CNTLN: variants seen among roughly 807,000 people sequenced by gnomAD.
CNTLN encodes the protein centlein, centrosomal protein.
A neutral mutation model predicts 180.0 loss-of-function variants in CNTLN; 212 were observed. The observed-to-expected ratio is 1.18, with a 90% CI of 1.05 to 1.32. The LOEUF (loss-of-function observed/expected upper bound fraction) is 1.32, where lower values mean the gene tolerates loss of function less well. Ranked by LOEUF, CNTLN falls within the 40% of genes most tolerant of loss-of-function variation. The probability of loss-of-function intolerance (pLI) is 0.00; values close to 1 mark genes in which losing one functional copy is unlikely to be tolerated. For synonymous variants in CNTLN, 722 were observed against 563.1 expected (o/e 1.28, Z -3.99); for missense variants, 2,095 against 1,610.9 (o/e 1.30, Z -5.14).
chr9:17,433,917 A>C (rs1047773819), intron 18 of CNTLN, among the ~76,000 whole-genome samples: 2 of 152,140 alleles, frequency 1.3e-5, no homozygotes, highest in African/African-American at 4.8e-5. Context: ...TGTTTAGTTA[A>C]ATAACTTTTT....
intron 22 of CNTLN, 122 bp downstream of exon 22, chr9:17,466,240 CAA>C: frequency 2.7e-6 from 2 of 753,888 alleles, no homozygotes; most frequent in Admixed American, 2.9e-5. Flanking sequence ...CAGATAAGTG[CAA>C]AGAGGATTTG....
chr9:17,407,603 G>A (rs1827494153), intron 15 of CNTLN, among the ~76,000 whole-genome samples: 1 of 152,126 alleles, frequency 6.6e-6, no homozygotes, highest in African/African-American at 2.4e-5. Flanking sequence ...AGAAATATGT[G>A]GCTTTAATAG....
chr9:17,266,068 T>G (rs572105478), intron 5 of CNTLN, among the ~76,000 whole-genome samples: 2 of 152,098 alleles, frequency 1.3e-5, no homozygotes, highest in Non-Finnish European at 2.9e-5. Flanking sequence ...AGTTATTTCT[T>G]GCCTTCTGCT....
intron 12 of CNTLN, among the ~76,000 whole-genome samples, chr9:17,357,472 A>C (rs1822941494): frequency 6.6e-6 from 1 of 151,070 alleles, no homozygotes; most frequent in East Asian, 1.9e-4. Flanking sequence ...GAGTCCATAT[A>C]CATATGATAT....
chr9:17,486,213 C>T (rs1832880928), intron 24 of CNTLN, among the ~76,000 whole-genome samples: 1 of 152,146 alleles, frequency 6.6e-6, no homozygotes. Context: ...GTTCTTTACA[C>T]TATATCGAAC....
At chr9:17,317,513 C>T (rs970320891) in intron 8 of CNTLN, among the ~76,000 whole-genome samples, 3 of 151,970 alleles carry the variant, frequency 2.0e-5, no homozygotes, top group African/African-American at 7.3e-5. Context: ...CAAAACAAGG[C>T]CTTTGTGCTC....
chr9:17,263,118 T>G (rs950632347), intron 5 of CNTLN, among the ~76,000 whole-genome samples: 1 of 150,882 alleles, frequency 6.6e-6, no homozygotes, highest in South Asian at 2.1e-4. Flanking sequence ...TGTATACATG[T>G]GCCATGTTGG....
At chr9:17,338,125 T>TTTCCTTCCTTCCTTCC (rs71331485) in intron 10 of CNTLN, among the ~76,000 whole-genome samples, 50 of 148,258 alleles carry the variant, frequency 3.4e-4, no homozygotes, top group Admixed American at 8.8e-4. Context: ...TCCCTCCTTC[T>TTTCCTTCCTTCCTTCC]TTCCTTCCTT....
intron 6 of CNTLN, among the ~76,000 whole-genome samples, chr9:17,293,420 A>G (rs1433782299): frequency 1.3e-5 from 2 of 152,190 alleles, no homozygotes; most frequent in Non-Finnish European, 2.9e-5. Flanking sequence ...CTCTCCCACT[A>G]GAGGCTCAGT....
At chr9:17,458,759 A>G (rs530830632) in intron 19 of CNTLN, among the ~76,000 whole-genome samples, 2 of 152,032 alleles carry the variant, frequency 1.3e-5, no homozygotes, top group African/African-American at 4.8e-5. Flanking sequence ...ATTCTTCTTG[A>G]ATACCATCTT....
chr9:17,284,719 T>C (rs542160100), intron 6 of CNTLN, among the ~76,000 whole-genome samples: 2 of 152,124 alleles, frequency 1.3e-5, no homozygotes, highest in Non-Finnish European at 2.9e-5. Context: ...CTGGATTCAT[T>C]GATTTTTTTG....
chr9:17,282,025 C>T (rs1289091055), intron 6 of CNTLN, among the ~76,000 whole-genome samples: 3 of 152,094 alleles, frequency 2.0e-5, no homozygotes, highest in African/African-American at 7.2e-5. Context: ...TGCAGTGGAG[C>T]GATCTCGGCT....
At chr9:17,318,394 G>C (rs1819679234) in intron 8 of CNTLN, among the ~76,000 whole-genome samples, 1 of 152,138 alleles carries the variant, frequency 6.6e-6, no homozygotes, top group Non-Finnish European at 1.5e-5. Flanking sequence ...GGAAGGCAAG[G>C]AAGAGAGGAG....
At chr9:17,336,812 C>G (rs1038291159) in intron 10 of CNTLN, among the ~76,000 whole-genome samples, 2 of 152,126 alleles carry the variant, frequency 1.3e-5, no homozygotes, top group African/African-American at 4.8e-5. Flanking sequence ...ACCCATCAAC[C>G]TGTCACCTAC....
intron 12 of CNTLN, among the ~76,000 whole-genome samples, chr9:17,348,524 CTTTCTTTCTT>C (rs1822100391): frequency 6.7e-6 from 1 of 149,430 alleles, no homozygotes; most frequent in Non-Finnish European, 1.5e-5. Flanking sequence ...TTCTTTCTTT[CTTTCTTTCTT>C]TTTTTTTTTT....
chr9:17,522,799 T>C, the CNTLN span, among the ~76,000 whole-genome samples: 40 of 151,802 alleles, frequency 2.6e-4, no homozygotes, highest in African/African-American at 9.0e-4. Flanking sequence ...CAAGCGTGTA[T>C]CCAACGCTGC....
chr9:17,201,580 A>C (rs915199431), intron 2 of CNTLN, among the ~76,000 whole-genome samples: 1 of 152,164 alleles, frequency 6.6e-6, no homozygotes, highest in Non-Finnish European at 1.5e-5. Context: ...GTATGTGTGC[A>C]GGAATTTATC....
At chr9:17,406,641 TATATC>T (rs1418567138) in intron 15 of CNTLN, among the ~76,000 whole-genome samples, 6 of 151,952 alleles carry the variant, frequency 3.9e-5, no homozygotes, top group African/African-American at 1.2e-4. Flanking sequence ...TATAACATAC[TATATC>T]ATATTTCAGA....
At chr9:17,259,627 C>T (rs1300677586) in intron 5 of CNTLN, among the ~76,000 whole-genome samples, 1 of 150,900 alleles carries the variant, frequency 6.6e-6, no homozygotes, top group Non-Finnish European at 1.5e-5. Context: ...TGTTGGTAAG[C>T]TGTTGATTAT....
Sources: gnomAD v4.1 joint callset for allele counts (sites outside exome capture counted in the v4.1 genomes callset) on GRCh38, gnomAD v4.1.1 for gene constraint, MANE v1.5 for transcripts, NCBI Gene and HGNC (gene_info 2026-07-23, HGNC 2026-07-21) for gene names.